The following CPD variants were observed in gnomAD, a reference collection of about 807,000 sequenced individuals.
CPD encodes the protein carboxypeptidase D, also known as metallocarboxypeptidase D.
Under a neutral mutation model 138.3 loss-of-function variants are expected in CPD, and 69 were observed. That is an observed-to-expected ratio of 0.50 (90% CI 0.41 to 0.61). The LOEUF (loss-of-function observed/expected upper bound fraction) is 0.61. CPD is among the 20% of genes least tolerant of loss of function. The pLI is 0.00. For missense variants in CPD, 1,432 were observed against 1,733.3 expected, an observed-to-expected ratio of 0.83 and a Z score of 3.09; for synonymous variants, 651 against 642.1, an observed-to-expected ratio of 1.01 and a Z score of -0.21.
At chr17:30,462,262 T>C in intron 19 of CPD, 108 bp from the exon 20 acceptor site, 1 of 1,064,652 alleles carries the variant, frequency 9.4e-7, no homozygotes. Context: ...ATACTTTAGA[T>C]GGCAATGCAT....
chr17:30,387,198 A>ACCTCCGCCTCCTGGCTTCAAGTGATT (rs1390671248), intron 2 of CPD, among the ~76,000 whole-genome samples: 1 of 152,076 alleles, frequency 6.6e-6, no homozygotes, highest in Non-Finnish European at 1.5e-5. Context: ...GCTCACTGTA[A>ACCTCCGCCTCCTGGCTTCAAGTGATT]CCTCCGCCTC....
chr17:30,424,392 G>A (rs1445905655), intron 6 of CPD, among the ~76,000 whole-genome samples: 1 of 152,126 alleles, frequency 6.6e-6, no homozygotes, highest in Non-Finnish European at 1.5e-5. Context: ...AAAGAGAGGA[G>A]GCATAATGAG....
At chr17:30,458,448 C>T (rs1256533209) in intron 17 of CPD, among the ~76,000 whole-genome samples, 4 of 152,152 alleles carry the variant, frequency 2.6e-5, no homozygotes, top group Admixed American at 6.5e-5. Context: ...GAAGATGCCC[C>T]GCCCCACCCC....
chr17:30,379,575 G>A lies in CPD; in HGVS notation c.595G>A (p.Asp199Asn), dbSNP rs772010503. 24 of 1,519,032 alleles carry A rather than the reference G, an allele frequency of 1.6e-5. No individual in the cohort carries two copies. In the Admixed American group the frequency reaches 1.9e-4, roughly 12 times the overall value. 94.1% of individuals were successfully genotyped at this position (1,519,032 alleles called of 1,614,324 possible). A position where few individuals can be genotyped will look rare whatever the true frequency, so the allele number is the denominator to read the frequency against. The change falls in exon 1 of 21, where the codon GAC (aspartate) becomes AAC (asparagine). Residue 199 changes from aspartate to asparagine, a missense_variant. Asp to Asn is a conservative substitution (Grantham distance 23, BLOSUM62 1). Transcript: ENST00000225719. The surrounding 1 kb of genome is among the most constrained non-coding windows in gnomAD (Gnocchi z 7.0). ...RAREGDCGFGDGGPSGASGRD... is the reference protein window; with the variant it reads ...RAREGDCGFGNGGPSGASGRD... ...CCGCGAGGGCGACTGTGGCTTCGGC[G>A]ACGGCGGCCCGTCCGGGGCCAGCGG... is the stretch of plus-strand genomic sequence containing the variant.
intron 6 of CPD, among the ~76,000 whole-genome samples, chr17:30,425,946 A>AT (rs1178429748): frequency 6.6e-6 from 1 of 152,136 alleles, no homozygotes; most frequent in African/African-American, 2.4e-5. Flanking sequence ...CACGCCTGTC[A>AT]TCCCAGCACT....
At chr17:30,390,776 C>T (rs1260143116) in intron 2 of CPD, among the ~76,000 whole-genome samples, 1 of 152,048 alleles carries the variant, frequency 6.6e-6, no homozygotes, top group Non-Finnish European at 1.5e-5. Flanking sequence ...GCCACATCCC[C>T]TTCCAAAGCC....
chr17:30,411,841 C>T (rs541853131), intron 2 of CPD, among the ~76,000 whole-genome samples: 11 of 152,294 alleles, frequency 7.2e-5, no homozygotes, highest in East Asian at 3.9e-4. Flanking sequence ...TATTACCAAC[C>T]TTCGGAAGCC....
chr17:30,456,152 A>T, intron 15 of CPD, 104 bp from the exon 16 acceptor site: 9 of 855,894 alleles, frequency 1.1e-5, no homozygotes, highest in Admixed American at 8.0e-5. Context: ...AGTGGAGTGC[A>T]AAATTTATTA....
rs1241106369 is a variant in CPD at position 30,379,339 on chromosome 17, A to G, written c.359A>G (p.Asp120Gly). ...GCGGGGCCTGACGCTGCCGGGCCCG[A>G]CGCTGCGGGGCCGCTGCTGCCCGGC... The part of the protein sequence containing the change: ...GDAGPDAAGP[D>G]AAGPLLPGRP... The change falls in exon 1 of 21, where the codon GAC (aspartate) becomes GGC (glycine). Residue 120 changes from aspartate to glycine, a missense_variant. Physicochemically the swap from Asp to Gly is moderately conservative, Grantham distance 94. This residue lies in a region of CPD where 484 missense variants were observed against 477.2 expected (regional missense o/e 1.01). Coordinates refer to ENST00000225719, the MANE Select transcript of CPD (RefSeq NM_001304.5). The surrounding 1 kb of genome is among the most constrained non-coding windows in gnomAD (Gnocchi z 7.0). The G allele has an allele frequency of 1.3e-6, 2 of 1,490,982 alleles. No individual in the cohort carries two copies. The highest frequency in any genetic ancestry group is 1.8e-6 in the Non-Finnish European group (2 of 1,128,224). The allele number at this position is 1,490,982 out of a possible 1,614,324, so 92.4% of individuals were successfully genotyped here. A position where few individuals can be genotyped will look rare whatever the true frequency, so the allele number is the denominator to read the frequency against.
chr17:30,416,032 C>T (rs538898683), intron 2 of CPD, among the ~76,000 whole-genome samples: 4 of 151,944 alleles, frequency 2.6e-5, no homozygotes, highest in African/African-American at 7.3e-5. Flanking sequence ...TCATTTTTTG[C>T]GAGATGAAAA....
chr17:30,417,954 A>G (rs1412024765), intron 2 of CPD, among the ~76,000 whole-genome samples: 1 of 151,952 alleles, frequency 6.6e-6, no homozygotes, highest in East Asian at 1.9e-4. Context: ...CTGTGGCCTT[A>G]TCAGCCTCAT....
chr17:30,456,301 A>G lies in CPD; in HGVS notation c.3383A>G (p.Asn1128Ser), dbSNP rs1252229931. The G allele has an allele frequency of 1.4e-5, 22 of 1,614,102 alleles. No individual in the cohort carries two copies. The highest frequency in any genetic ancestry group is 1.9e-5 in the Non-Finnish European group (22 of 1,180,052). Residue 1128 changes from asparagine (N) to serine (S), a missense_variant, in exon 16 of 21, where the codon AAT becomes AGT. Coordinates refer to ENST00000225719, the MANE Select transcript of CPD (RefSeq NM_001304.5). ...AAGCATTTGGCATCTCTTTATGCAA[A>G]TAATCATCCATCCATGCACATGGGT... ...TLKHLASLYA[N>S]NHPSMHMGQP... is the part of the protein sequence containing the mutation.
At position 30,405,625 on chromosome 17, in the gene CPD, A is replaced by C. The variant is rs572441213; in HGVS notation, c.995-15216A>C. Among the ~76,000 whole-genome samples, 377 of 152,150 alleles carry C rather than the reference A, an allele frequency of 2.5e-3. 1 individual carries two copies. The highest frequency in any genetic ancestry group is 8.7e-3 in the African/African-American group (360 of 41,518). ...TTTTGTTTCAGTTACTGTGATTTCTATGTTGTTCCGTTGGTCTCTTTATTT... is the reference window on the plus strand; with the variant it reads ...TTTTGTTTCAGTTACTGTGATTTCTCTGTTGTTCCGTTGGTCTCTTTATTT... On this transcript the variant is annotated intron_variant, in intron 2 of 20. Coordinates refer to ENST00000225719, the MANE Select transcript of CPD (RefSeq NM_001304.5).
chr17:30,404,855 A>G (rs554061635), intron 2 of CPD, among the ~76,000 whole-genome samples: 2 of 151,978 alleles, frequency 1.3e-5, no homozygotes, highest in South Asian at 4.1e-4. Context: ...AGTTAAATCT[A>G]TTCATCTATT....
chr17:30,457,658 T>C (rs1487606169), intron 17 of CPD, among the ~76,000 whole-genome samples: 1 of 151,960 alleles, frequency 6.6e-6, no homozygotes. Flanking sequence ...CCAACACTTA[T>C]TTGCTGGTTT....
At position 30,469,506 on chromosome 17, in the gene CPD, A is replaced by G. The variant is rs982116204; in HGVS notation, c.*4692A>G. 2.0e-5 allele frequency: 3 copies of G among 152,234 alleles called. No homozygotes were observed. The highest frequency in any genetic ancestry group is 2.0e-4 in the Admixed American group (3 of 15,288). The allele number at this position is 152,234 out of a possible 1,614,324, so 9.4% of individuals were successfully genotyped here. A position where few individuals can be genotyped will look rare whatever the true frequency, so the allele number is the denominator to read the frequency against. On this transcript the variant is annotated 3_prime_UTR_variant, in exon 21 of 21. Coordinates refer to ENST00000225719, the MANE Select transcript of CPD (RefSeq NM_001304.5). The stretch of plus-strand genomic sequence containing the variant: ...ATATTTGACTTGGAATTGAATGCCC[A>G]TGGTAACCAGCATCATTTTCCTTCA...
intron 2 of CPD, among the ~76,000 whole-genome samples, chr17:30,392,567 T>C (rs1475058616): frequency 6.6e-6 from 1 of 152,234 alleles, no homozygotes; most frequent in Admixed American, 6.5e-5. Flanking sequence ...TTCTTTTAGT[T>C]TGTTCTATAT....
At chr17:30,435,706 C>G (rs1333388043) in intron 8 of CPD, among the ~76,000 whole-genome samples, 1 of 152,116 alleles carries the variant, frequency 6.6e-6, no homozygotes. Context: ...TTTCCTAGTT[C>G]TGCTGTAACA....
intron 10 of CPD, 103 bp from the exon 11 acceptor site, chr17:30,443,699 C>A: frequency 1.7e-6 from 2 of 1,145,224 alleles, no homozygotes; most frequent in South Asian, 1.8e-5. Context: ...CCTGTTTGTT[C>A]CATTTATTTG....
Sources: allele counts gnomAD v4.1 joint callset (sites outside exome capture counted in the v4.1 genomes callset), GRCh38; gene constraint gnomAD v4.1.1; regional missense constraint gnomAD v4.1.1; non-coding constraint Gnocchi (gnomAD v3.1); transcripts MANE v1.5; gene names NCBI Gene and HGNC (gene_info 2026-07-23, HGNC 2026-07-21).